Variants in NTM observed in about 807,000 individuals in gnomAD.
The protein encoded by NTM is IgLON family member 2.
A neutral mutation model predicts 42.1 loss-of-function variants in NTM; 13 were observed. That is an observed-to-expected ratio of 0.31 (90% CI 0.20 to 0.49). The LOEUF (loss-of-function observed/expected upper bound fraction) is 0.49. Ranked by LOEUF, NTM falls within the 20% of genes least tolerant of loss-of-function variation. The pLI is 0.99. For synonymous variants in NTM, 187 were observed against 179.2 expected, an observed-to-expected ratio of 1.04 and a Z score of -0.35; for missense variants, 373 against 452.8, an observed-to-expected ratio of 0.82 and a Z score of 1.60.
intron 2 of NTM, among the ~76,000 whole-genome samples, chr11:132,102,690 T>G (rs1198422371): frequency 6.6e-6 from 1 of 152,190 alleles, no homozygotes; most frequent in Non-Finnish European, 1.5e-5. Flanking sequence ...TAATGGAATT[T>G]CCCTCTGCCC....
chr11:132,297,628 T>G lies in NTM; in HGVS notation c.527-10061T>G, dbSNP rs866882226. ...TTCACTTCCCATCCTCCACAAAATA[T>G]TTAATGAAACATACGTAAGGCTCTG... On this transcript the variant is annotated intron_variant, in intron 4 of 8. Transcript: ENST00000683400. Among the ~76,000 whole-genome samples the G allele has an allele frequency of 6.2e-4, 95 of 152,378 alleles. 1 individual carries two copies. Among genetic ancestry groups the G allele is most frequent in the African/African-American group, 2.1e-3 (86 of 41,596 alleles).
chr11:132,129,609 G>C (rs1271037352), intron 2 of NTM, among the ~76,000 whole-genome samples: 1 of 152,222 alleles, frequency 6.6e-6, no homozygotes, highest in Non-Finnish European at 1.5e-5. Flanking sequence ...TTAATCTACA[G>C]CTTCCTGTGG....
intron 1 of NTM, among the ~76,000 whole-genome samples, chr11:131,376,281 C>T (rs1941964630): frequency 6.6e-6 from 1 of 152,196 alleles, no homozygotes; most frequent in African/African-American, 2.4e-5. Context: ...TTTTCCATAT[C>T]AAATTTATCT....
chr11:132,310,022 T>C lies in NTM; in HGVS notation c.662-90T>C, dbSNP rs533082609. ...AGTGAGCCAAGATCATGCCACTGCATTCCAGCCTGAGCCACAAGAGCAAGA... is the reference window on the plus strand; with the variant it reads ...AGTGAGCCAAGATCATGCCACTGCACTCCAGCCTGAGCCACAAGAGCAAGA... On this transcript the variant is annotated intron_variant, in intron 5 of 8. Transcript: ENST00000683400. 44 of 1,455,626 alleles carry C rather than the reference T, an allele frequency of 3.0e-5. 1 individual carries two copies. Among genetic ancestry groups the C allele is most frequent in the Middle Eastern group, 2.6e-4 (1 of 3,812 alleles). 90.2% of individuals were successfully genotyped at this position (1,455,626 alleles called of 1,614,324 possible). A position where few individuals can be genotyped will look rare whatever the true frequency, so the allele number is the denominator to read the frequency against.
intron 1 of NTM, among the ~76,000 whole-genome samples, chr11:131,789,424 AAGAAGGAAGAAGAAGAAGAAG>A (rs1565549402): frequency 4.5e-5 from 1 of 22,078 alleles, no homozygotes; most frequent in African/African-American, 2.2e-4. Flanking sequence ...AGAAAAAAAG[AAGAAGGAAGAAGAAGAAGAAG>A]AAGAAGAAGA....
chr11:132,304,116 C>A (rs2094978658), intron 4 of NTM, among the ~76,000 whole-genome samples: 1 of 152,052 alleles, frequency 6.6e-6, no homozygotes, highest in African/African-American at 2.4e-5. Flanking sequence ...ATCAGGGCTA[C>A]TTTGTGGAGG....
intron 4 of NTM, among the ~76,000 whole-genome samples, chr11:132,290,227 A>G (rs2094409302): frequency 6.6e-6 from 1 of 152,188 alleles, no homozygotes; most frequent in Non-Finnish European, 1.5e-5. Context: ...ATTAAAAATA[A>G]TAGCAGTAAG....
At chr11:131,902,986 T>C (rs1049396812) in intron 1 of NTM, among the ~76,000 whole-genome samples, 3 of 152,098 alleles carry the variant, frequency 2.0e-5, no homozygotes, top group South Asian at 4.1e-4. Flanking sequence ...TCAGCAGAGA[T>C]TGAGATAAAA....
At chr11:131,427,859 C>T (rs1948297571) in intron 1 of NTM, among the ~76,000 whole-genome samples, 1 of 152,206 alleles carries the variant, frequency 6.6e-6, no homozygotes, top group Admixed American at 6.5e-5. Flanking sequence ...TATTCCTCTG[C>T]TCCTCCTTCT....
intron 1 of NTM, among the ~76,000 whole-genome samples, chr11:131,429,537 T>C (rs978093086): frequency 1.1e-4 from 16 of 151,974 alleles, no homozygotes; most frequent in Admixed American, 9.2e-4. Flanking sequence ...ATAAGAATAA[T>C]AAGGACAAAA....
chr11:131,643,188 C>T (rs952401733), intron 1 of NTM, among the ~76,000 whole-genome samples: 1 of 152,146 alleles, frequency 6.6e-6, no homozygotes, highest in African/African-American at 2.4e-5. Context: ...TTGTGACATT[C>T]ACTTTAGCAA....
intron 7 of NTM, among the ~76,000 whole-genome samples, chr11:132,327,578 C>G (rs2095709997): frequency 1.3e-5 from 2 of 152,174 alleles, no homozygotes; most frequent in African/African-American, 4.8e-5. Context: ...GTATATCCGT[C>G]TTCACATGAA....
chr11:132,328,872 C>T (rs1289886114), intron 7 of NTM, among the ~76,000 whole-genome samples: 1 of 152,128 alleles, frequency 6.6e-6, no homozygotes, highest in African/African-American at 2.4e-5. Flanking sequence ...AAGGGACCAT[C>T]CTTGTTAAAT....
rs1001135666 is a variant in NTM, at chr11:132,323,636, A to G, written c.935-6517A>G. ...GTACCATTCCTTCTGAAATTATTCT[A>G]ATCAATAGAAAAAGAGGGAATCCTC... On this transcript the variant is annotated intron_variant, in intron 7 of 8. Transcript: ENST00000683400. Among the ~76,000 whole-genome samples the G allele has an allele frequency of 5.3e-4, 81 of 152,316 alleles. 1 individual carries two copies. Among genetic ancestry groups the G allele is most frequent in the East Asian group, 1.5e-3 (8 of 5,188 alleles).
intron 1 of NTM, among the ~76,000 whole-genome samples, chr11:131,735,135 C>T (rs550205870): frequency 5.3e-5 from 8 of 152,212 alleles, no homozygotes; most frequent in East Asian, 1.9e-4. Flanking sequence ...TGTTGCAAGG[C>T]GGAGGGGGGA....
intron 7 of NTM, among the ~76,000 whole-genome samples, chr11:132,319,867 C>T (rs976351860): frequency 5.9e-5 from 9 of 152,334 alleles, no homozygotes; most frequent in Admixed American, 5.2e-4. Context: ...AGGCACCCCC[C>T]AGTAGGGGCA....
At position 132,134,757 on chromosome 11, in the gene NTM, A is replaced by ATCTC. The variant is rs111260161; in HGVS notation, c.168-11524_168-11523insCTCT. Among the ~76,000 whole-genome samples, 3 of 97,326 alleles carry ATCTC rather than the reference A, an allele frequency of 3.1e-5. 1 individual carries two copies. In the East Asian group the frequency reaches 1.3e-3, roughly 42 times the overall value. The allele number at this position is 97,326 out of a possible 152,430, so 63.8% of individuals were successfully genotyped here. On this transcript the variant is annotated intron_variant, in intron 2 of 8. Transcript: ENST00000683400. ...TATATATATATATATATATATATAT[A>ATCTC]TATCTCACATTTTCTTTATCTATTC...
At position 131,407,797 on chromosome 11, in the gene NTM, G is replaced by A. The variant is rs1047399037; in HGVS notation, c.82+36909G>A. Among the ~76,000 whole-genome samples the A allele has an allele frequency of 3.9e-5, 6 of 152,186 alleles. No homozygotes were observed. In the East Asian group the frequency reaches 5.8e-4, roughly 15 times the overall value. ...TGGCTCCCGGGCAGGGAGAGGAGAC[G>A]CTTCCTGATGAAGTTCGGGCCCACC... On this transcript the variant is annotated intron_variant, in intron 1 of 8. Coordinates refer to ENST00000683400, the MANE Select transcript of NTM (RefSeq NM_001352005.2).
At chr11:131,464,470 C>T (rs915900598) in intron 1 of NTM, among the ~76,000 whole-genome samples, 2 of 152,112 alleles carry the variant, frequency 1.3e-5, no homozygotes, top group Non-Finnish European at 2.9e-5. Context: ...TATAAATTAA[C>T]GGAGGCTCCT....
Sources: allele counts gnomAD v4.1 joint callset (sites outside exome capture counted in the v4.1 genomes callset), GRCh38; gene constraint gnomAD v4.1.1; transcripts MANE v1.5; gene names NCBI Gene and HGNC (gene_info 2026-07-23, HGNC 2026-07-21).